Variants in MGAM observed in about 807,000 individuals in gnomAD.
MGAM encodes the protein alpha-1,4-glucosidase.
MGAM carries 253 observed loss-of-function variants against 358.8 expected under a neutral mutation model. That is an observed-to-expected ratio of 0.71 (90% CI 0.64 to 0.78). MGAM has a LOEUF of 0.78. Among genes scored for constraint, MGAM ranks in the 30% least tolerant of loss-of-function variants. The probability of loss-of-function intolerance (pLI) is 0.00; values close to 1 mark genes in which losing one functional copy is unlikely to be tolerated. For synonymous variants in MGAM, 1,105 were observed against 1,227.1 expected, an observed-to-expected ratio of 0.90 and a Z score of 2.08; for missense variants, 3,080 against 3,432.6, an observed-to-expected ratio of 0.90 and a Z score of 2.57.
intron 34 of MGAM, among the ~76,000 whole-genome samples, chr7:142,061,379 C>T (rs1035518625): frequency 6.6e-6 from 1 of 152,122 alleles, no homozygotes; most frequent in African/African-American, 2.4e-5. Flanking sequence ...GTCGGGTTTC[C>T]TGGTTCCTAC....
chr7:142,019,873 A>G (rs1806274462), intron 4 of MGAM, among the ~76,000 whole-genome samples: 1 of 152,150 alleles, frequency 6.6e-6, no homozygotes, highest in Non-Finnish European at 1.5e-5. Context: ...GTTTGAGACT[A>G]GCTTGGCCAA....
chr7:142,004,984 G>T (rs567848413), intron 1 of MGAM, among the ~76,000 whole-genome samples: 1 of 151,938 alleles, frequency 6.6e-6, no homozygotes, highest in African/African-American at 2.4e-5. Flanking sequence ...GGAACTATAA[G>T]GGTAGAGAAA....
intron 57 of MGAM, among the ~76,000 whole-genome samples, chr7:142,087,045 C>A (rs1317454056): frequency 2.9e-5 from 3 of 104,280 alleles, no homozygotes; most frequent in Admixed American, 8.5e-5. Context: ...CTGGGCGATA[C>A]CTCCTAGCAG....
chr7:142,009,598 G>T (rs535675862), intron 3 of MGAM, among the ~76,000 whole-genome samples: 1 of 152,100 alleles, frequency 6.6e-6, no homozygotes, highest in Non-Finnish European at 1.5e-5. Context: ...GTGCTTTATT[G>T]TAAGATCTTT....
chr7:142,101,063 A>G (rs908622632), intron 68 of MGAM, among the ~76,000 whole-genome samples, 173 bp downstream of exon 68: 6 of 152,222 alleles, frequency 3.9e-5, no homozygotes, highest in African/African-American at 1.4e-4. Context: ...TCCTCATGTA[A>G]ATGAAGCTCA....
chr7:142,009,687 C>T (rs147067221), intron 3 of MGAM, among the ~76,000 whole-genome samples: 2 of 152,024 alleles, frequency 1.3e-5, no homozygotes, highest in African/African-American at 4.8e-5. Flanking sequence ...AACTGAATTA[C>T]TCCACGGCCT....
At position 142,020,994 on chromosome 7, in the gene MGAM, A is replaced by T. The variant is rs1554458479; in HGVS notation, c.469A>T (p.Asn157Tyr). ...GTTAGGATTCACAGCCCGGTTGAAAAATCTGCCTTCTTCACCAGTGTTTGG... is the reference window on the plus strand; with the variant it reads ...GTTAGGATTCACAGCCCGGTTGAAATATCTGCCTTCTTCACCAGTGTTTGG... The part of the protein sequence containing the change: ...TNAGFTARLK[N>Y]LPSSPVFGSN... The change falls in exon 5 of 71, where the codon AAT becomes TAT. Residue 157 changes from asparagine (N) to tyrosine (Y), a missense_variant. Physicochemically the swap from Asn to Tyr is moderately radical, Grantham distance 143. This residue lies in a region of MGAM where 1,816 missense variants were observed against 1,840.5 expected (regional missense o/e 0.99). Transcript: ENST00000475668. 6.2e-7 allele frequency: 1 copy of T among 1,613,412 alleles called. No individual in the cohort carries two copies. Among genetic ancestry groups the T allele is most frequent in the Non-Finnish European group, 8.5e-7 (1 of 1,179,576 alleles).
At chr7:142,090,077 A>G (rs1199973134) in intron 57 of MGAM, among the ~76,000 whole-genome samples, 1 of 146,164 alleles carries the variant, frequency 6.8e-6, no homozygotes, top group Non-Finnish European at 1.5e-5. Context: ...GTGCTAGGTG[A>G]TCCTGAGGCC....
At chr7:141,997,189 T>C (rs1328459219) in intron 1 of MGAM, among the ~76,000 whole-genome samples, 4 of 152,152 alleles carry the variant, frequency 2.6e-5, no homozygotes, top group Non-Finnish European at 4.4e-5. Context: ...CACTAGGTTC[T>C]TCATGCAGGA....
At position 142,067,199 on chromosome 7, in the gene MGAM, A is replaced by T; in HGVS notation, c.4920-142A>T. ...GGAAAGCAGAGGCTGGGTGCTCCTG[A>T]TGAAGCTAGGCCTAGGAACAAAGCA... On this transcript the variant is annotated intron_variant, in intron 41 of 70. Transcript: ENST00000475668. 2 of 761,938 alleles carry T rather than the reference A, an allele frequency of 2.6e-6. 1 individual carries two copies. Among genetic ancestry groups the T allele is most frequent in the South Asian group, 3.4e-5 (2 of 58,604 alleles). The allele number at this position is 761,938 out of a possible 1,614,324, so 47.2% of individuals were successfully genotyped here.
Position 142,059,453 on chromosome 7 carries a change from T to A in MGAM, c.3820-19T>A. ...GCGTGTACAGCAGCAGCCTCTCAGC[T>A]CCCCATGTCCTCCCGCAGGATGTGC... On this transcript the variant is annotated intron_variant, in intron 31 of 70. Transcript: ENST00000475668. 6.2e-7 allele frequency: 1 copy of A among 1,602,194 alleles called. No homozygotes were observed. Among genetic ancestry groups the A allele is most frequent in the Non-Finnish European group, 8.5e-7 (1 of 1,172,626 alleles).
At chr7:142,023,635 C>T (rs189846005) in intron 7 of MGAM, among the ~76,000 whole-genome samples, 4 of 151,962 alleles carry the variant, frequency 2.6e-5, no homozygotes, top group African/African-American at 7.2e-5. Flanking sequence ...GCCGAGATCG[C>T]GCCACTGCAC....
At chr7:142,090,690 T>G (rs1340842855) in intron 57 of MGAM, among the ~76,000 whole-genome samples, 1 of 146,068 alleles carries the variant, frequency 6.8e-6, no homozygotes, top group Non-Finnish European at 1.5e-5. Context: ...TCCCCGAACC[T>G]CCTCACCAGC....
chr7:142,105,836 A>G lies in MGAM; in HGVS notation c.8207A>G (p.Asp2736Gly), dbSNP rs779320204. The G allele has an allele frequency of 5.0e-6, 8 of 1,613,502 alleles. No individual in the cohort carries two copies. The South Asian group carries it at 8.8e-5, about 18-fold the overall frequency. ...CAGGTATTAAGCATCGATGTGACTG[A>G]CAGAAACATCAGCCTACATAATTTT... ...TTQVLSIDVT[D>G]RNISLHNFTS... The change falls in exon 71 of 71, where the codon GAC becomes GGC. Residue 2736 changes from aspartate to glycine, a missense_variant. By Grantham distance (94) the Asp-to-Gly change is moderately conservative. This residue lies in a region of MGAM where 194 missense variants were observed against 172.8 expected (regional missense o/e 1.12). Coordinates refer to ENST00000475668, the MANE Select transcript of MGAM (RefSeq NM_001365693.1).
intron 37 of MGAM, 73 bp from the exon 38 acceptor site, chr7:142,065,262 C>T (rs1255941201): frequency 4.5e-6 from 7 of 1,557,220 alleles, no homozygotes; most frequent in African/African-American, 1.4e-5. Flanking sequence ...CTCAAGGGCT[C>T]TGGGAGCAGA....
At chr7:141,995,989 T>A (rs1554448575) in intron 1 of MGAM, 59 bp downstream of exon 1, 1 of 152,302 alleles carries the variant, frequency 6.6e-6, no homozygotes, top group Admixed American at 6.5e-5. Context: ...CAAGTGTGTG[T>A]GAATTTGAGT....
chr7:142,062,940 T>C (rs1812362275), intron 35 of MGAM, among the ~76,000 whole-genome samples: 2 of 152,194 alleles, frequency 1.3e-5, no homozygotes, highest in Non-Finnish European at 2.9e-5. Context: ...GGTTCACGCC[T>C]GTAATCCCAG....
rs773770456 is a variant in MGAM, at chr7:142,086,220, T to C, written c.6639T>C (p.Asp2213=). ...ADGMRVILIL[D]PAISGNETQP... is the part of the protein sequence containing the mutation. ...ACTGACTTATGCTTTGATTTCAGGATCCAGCCATTTCTGGCAATGAGACAC... is the reference window on the plus strand; with the variant it reads ...ACTGACTTATGCTTTGATTTCAGGACCCAGCCATTTCTGGCAATGAGACAC... Residue 2213 remains aspartate (D), a splice_region_variant and synonymous_variant, in exon 56 of 71, where the codon GAT becomes GAC. Coordinates refer to ENST00000475668, the MANE Select transcript of MGAM (RefSeq NM_001365693.1). 1.6e-4 allele frequency: 252 copies of C among 1,532,808 alleles called. 42 individuals carry two copies. Among genetic ancestry groups the C allele is most frequent in the Non-Finnish European group, 2.1e-4 (237 of 1,119,740 alleles). 95.0% of individuals were successfully genotyped at this position (1,532,808 alleles called of 1,614,324 possible).
chr7:142,030,353 T>A lies in MGAM; in HGVS notation c.1222-9T>A. ...AGGTGCTAATTGTGGACTTTGTATA[T>A]TCTTTCAGGATGTTCAGCATGCTGA... On this transcript the variant is annotated splice_polypyrimidine_tract_variant and intron_variant, in intron 10 of 70. Transcript: ENST00000475668. 1 of 1,611,612 alleles carries A rather than the reference T, an allele frequency of 6.2e-7. No individual in the cohort carries two copies. Among genetic ancestry groups the A allele is most frequent in the African/African-American group, 1.3e-5 (1 of 74,910 alleles).
Sources: allele counts gnomAD v4.1 joint callset (sites outside exome capture counted in the v4.1 genomes callset), GRCh38; gene constraint gnomAD v4.1.1; regional missense constraint gnomAD v4.1.1; transcripts MANE v1.5; gene names NCBI Gene and HGNC (gene_info 2026-07-23, HGNC 2026-07-21).